Variants in NUBPL observed in about 807,000 individuals in gnomAD.
The protein encoded by NUBPL is iron-sulfur cluster transfer protein NUBPL.
A neutral mutation model predicts 45.7 loss-of-function variants in NUBPL; 31 were observed. The observed-to-expected ratio is 0.68, with a 90% CI of 0.51 to 0.92. The LOEUF (loss-of-function observed/expected upper bound fraction) is 0.92. NUBPL is among the 40% of genes least tolerant of loss of function. The pLI is 0.00. For synonymous variants in NUBPL, 144 were observed against 140.9 expected, an observed-to-expected ratio of 1.02 and a Z score of -0.15; for missense variants, 401 against 398.7, an observed-to-expected ratio of 1.01 and a Z score of -0.05.
At chr14:31,677,794 C>T (rs1268113945) in intron 6 of NUBPL, among the ~76,000 whole-genome samples, 1 of 152,198 alleles carries the variant, frequency 6.6e-6, no homozygotes, top group Non-Finnish European at 1.5e-5. Context: ...CCTGCTGTTA[C>T]CACTATCCGG....
chr14:31,835,176 C>T (rs955642823), intron 8 of NUBPL, among the ~76,000 whole-genome samples: 1 of 152,210 alleles, frequency 6.6e-6, no homozygotes, highest in Admixed American at 6.5e-5. Context: ...TAAGACTTGA[C>T]TGCAGCACTG....
intron 7 of NUBPL, among the ~76,000 whole-genome samples, chr14:31,798,791 CAAAAAAAAAAA>C (rs1164176250): frequency 5.6e-5 from 3 of 53,504 alleles, no homozygotes; most frequent in African/African-American, 1.9e-4. Flanking sequence ...GACTCCGTCT[CAAAAAAAAAAA>C]AAAAAAAAAA....
At chr14:31,693,800 TAAAAAAAAAAAAA>T (rs60070958) in intron 6 of NUBPL, among the ~76,000 whole-genome samples, 1 of 94,602 alleles carries the variant, frequency 1.1e-5, no homozygotes, top group African/African-American at 4.1e-5. Flanking sequence ...AAGACAAAAT[TAAAAAAAAAAAAA>T]AAAAAAAAAA....
intron 6 of NUBPL, among the ~76,000 whole-genome samples, chr14:31,750,270 G>C (rs917932082): frequency 1.3e-5 from 2 of 150,270 alleles, no homozygotes; most frequent in Non-Finnish European, 3.0e-5. Context: ...CGCCTCCCGG[G>C]TTCACGCCAT....
At chr14:31,613,598 T>C (rs2034819759) in intron 4 of NUBPL, among the ~76,000 whole-genome samples, 2 of 151,986 alleles carry the variant, frequency 1.3e-5, no homozygotes, top group Admixed American at 6.6e-5. Flanking sequence ...GCCGGGATTA[T>C]AGGCACGCAC....
At chr14:31,643,297 G>A (rs1046477541) in intron 4 of NUBPL, among the ~76,000 whole-genome samples, 80 of 151,878 alleles carry the variant, frequency 5.3e-4, no homozygotes, top group African/African-American at 1.9e-3. Context: ...TGGGTTATAC[G>A]GCCTTTATTA....
chr14:31,710,672 A>G (rs776280579), intron 6 of NUBPL, among the ~76,000 whole-genome samples: 11 of 152,126 alleles, frequency 7.2e-5, no homozygotes, highest in Non-Finnish European at 1.5e-4. Context: ...ATGCCCCCAG[A>G]ATGAAGTGGA....
chr14:31,776,825 G>T (rs2039106118), intron 6 of NUBPL, among the ~76,000 whole-genome samples: 1 of 152,202 alleles, frequency 6.6e-6, no homozygotes, highest in Admixed American at 6.5e-5. Context: ...TGGTTAGATA[G>T]TAGACCTTGG....
chr14:31,594,261 C>T (rs984461743), intron 3 of NUBPL, among the ~76,000 whole-genome samples: 3 of 151,778 alleles, frequency 2.0e-5, no homozygotes, highest in Non-Finnish European at 2.9e-5. Flanking sequence ...CTACAAAAAA[C>T]GAAAAAAAAT....
chr14:31,810,215 G>A (rs906386009), intron 7 of NUBPL, among the ~76,000 whole-genome samples: 4 of 151,982 alleles, frequency 2.6e-5, no homozygotes, highest in Admixed American at 2.0e-4. Flanking sequence ...TTGACAGTGG[G>A]GTGTTAAAGT....
At chr14:31,716,326 T>C (rs2139937582) in intron 6 of NUBPL, among the ~76,000 whole-genome samples, 1 of 152,340 alleles carries the variant, frequency 6.6e-6, no homozygotes, top group Middle Eastern at 3.4e-3. Context: ...TCCTTTATTA[T>C]CATCATCACC....
intron 4 of NUBPL, among the ~76,000 whole-genome samples, chr14:31,642,472 T>C (rs1288823865): frequency 2.6e-5 from 4 of 152,108 alleles, no homozygotes; most frequent in African/African-American, 7.2e-5. Context: ...TTGGGATCTT[T>C]GTTGAAAATG....
At chr14:31,649,059 C>T (rs754676760) in intron 4 of NUBPL, among the ~76,000 whole-genome samples, 28 of 152,280 alleles carry the variant, frequency 1.8e-4, no homozygotes, top group East Asian at 5.8e-4. Flanking sequence ...CTGCCTGCCT[C>T]GGCCTCCCAA....
rs76539348 is a variant in NUBPL at position 31,599,846 on chromosome 14, G to A, written c.382+467G>A. Among the ~76,000 whole-genome samples, 1,445 of 152,058 alleles carry A rather than the reference G, an allele frequency of 9.5e-3. 15 individuals are homozygous for A. Among genetic ancestry groups the A allele is most frequent in the Middle Eastern group, 0.017 (5 of 292 alleles). On this transcript the variant is annotated intron_variant, in intron 4 of 10. Coordinates refer to ENST00000281081, the MANE Select transcript of NUBPL (RefSeq NM_025152.3). ...ATGCAATTCAAGAGTAACCAATATG[G>A]CAGATCATTGAGCATTTTCTTACTG...
At chr14:31,773,056 T>A (rs567538554) in intron 6 of NUBPL, among the ~76,000 whole-genome samples, 2 of 152,322 alleles carry the variant, frequency 1.3e-5, no homozygotes, top group East Asian at 3.9e-4. Flanking sequence ...TATTGTATAT[T>A]GTATCATTTA....
chr14:31,838,895 CCCTAT>C (rs1344172452), intron 8 of NUBPL, among the ~76,000 whole-genome samples: 1 of 152,062 alleles, frequency 6.6e-6, no homozygotes, highest in African/African-American at 2.4e-5. Flanking sequence ...CTAATGGCTA[CCCTAT>C]TGGGCATTGT....
At chr14:31,791,583 C>T (rs1037540367) in intron 7 of NUBPL, among the ~76,000 whole-genome samples, 25 of 152,084 alleles carry the variant, frequency 1.6e-4, no homozygotes, top group Non-Finnish European at 2.9e-5. Flanking sequence ...AGGTTAAAAG[C>T]CCCAGCTCTA....
intron 6 of NUBPL, among the ~76,000 whole-genome samples, chr14:31,760,988 T>C (rs545012460): frequency 3.9e-5 from 6 of 152,192 alleles, no homozygotes; most frequent in Admixed American, 3.9e-4. Flanking sequence ...TGAACCACCA[T>C]ACCCATCTTA....
chr14:31,653,934 C>G (rs541091742), intron 4 of NUBPL: 158 of 288,882 alleles, frequency 5.5e-4, no homozygotes, highest in Admixed American at 9.1e-4. Context: ...TGTTCAGGGT[C>G]CCTGACTTCC....
Sources: gnomAD v4.1 joint callset for allele counts (sites outside exome capture counted in the v4.1 genomes callset) on GRCh38, gnomAD v4.1.1 for gene constraint, MANE v1.5 for transcripts, NCBI Gene and HGNC (gene_info 2026-07-23, HGNC 2026-07-21) for gene names.